The following SLC5A8 variants were observed in gnomAD, a reference collection of about 807,000 sequenced individuals.
SLC5A8 encodes the protein solute carrier family 5 member 8.
SLC5A8 carries 55 observed loss-of-function variants against 71.9 expected under a neutral mutation model. The observed-to-expected ratio is 0.77, with a 90% confidence interval of 0.62 to 0.96. SLC5A8 has a LOEUF of 0.96. Ranked by LOEUF, SLC5A8 falls within the 40% of genes least tolerant of loss-of-function variation. The pLI is 0.00. For synonymous variants in SLC5A8, 307 were observed against 276.1 expected (o/e 1.11, Z -1.11); for missense variants, 701 against 745.3 (o/e 0.94, Z 0.69).
At chr12:101,182,998 A>C in intron 8 of SLC5A8, 83 bp from the exon 9 acceptor site, 1 of 469,472 alleles carries the variant, frequency 2.1e-6, no homozygotes, top group Non-Finnish European at 3.5e-6. Context: ...GGGGAAACAA[A>C]TTGTCACTTC....
intron 3 of SLC5A8, among the ~76,000 whole-genome samples, chr12:101,196,584 A>G (rs1869188034): frequency 6.6e-6 from 1 of 152,194 alleles, no homozygotes; most frequent in East Asian, 1.9e-4. Flanking sequence ...TCAATTGCAA[A>G]ATGAAATAAA....
At chr12:101,160,637 C>T (rs1185791792) in intron 13 of SLC5A8, among the ~76,000 whole-genome samples, 1 of 152,152 alleles carries the variant, frequency 6.6e-6, no homozygotes, top group Admixed American at 6.5e-5. Context: ...CTACCCCGGC[C>T]CCAGCACTGT....
In SLC5A8 at chr12:101,209,853, G is replaced by T. The variant is rs1315371241; in HGVS notation, c.-5C>A. ...GATGCCCCGTGGCGTGTCCATGGCC[G>T]CACGGTCGCCTGAGCCCTGCGCGCA... On this transcript the variant is annotated 5_prime_UTR_variant, in exon 1 of 15. Transcript: ENST00000536262. The T allele has an allele frequency of 1.3e-6, 2 of 1,529,624 alleles. No homozygotes were observed. Among genetic ancestry groups the T allele is most frequent in the Non-Finnish European group, 1.8e-6 (2 of 1,137,674 alleles). The allele number at this position is 1,529,624 out of a possible 1,614,324, so 94.8% of individuals were successfully genotyped here.
At chr12:101,190,367 G>T in intron 6 of SLC5A8, 101 bp downstream of exon 6, 4 of 1,271,236 alleles carry the variant, frequency 3.1e-6, no homozygotes, top group South Asian at 3.0e-5. Flanking sequence ...GGAATTTCAT[G>T]ACACAAAAGA....
intron 13 of SLC5A8, among the ~76,000 whole-genome samples, chr12:101,158,598 C>CTCTCTCTATATATATA (rs1411795424): frequency 1.9e-4 from 4 of 21,232 alleles, no homozygotes; most frequent in Admixed American, 6.8e-4. Flanking sequence ...CTCTCTCTCT[C>CTCTCTCTATATATATA]TATATATATA....
At chr12:101,205,077 A>G (rs1869622028) in intron 1 of SLC5A8, among the ~76,000 whole-genome samples, 1 of 152,188 alleles carries the variant, frequency 6.6e-6, no homozygotes, top group African/African-American at 2.4e-5. Context: ...TAGTCAGCCA[A>G]TTGCCCTGCC....
intron 5 of SLC5A8, among the ~76,000 whole-genome samples, chr12:101,190,951 A>G (rs1444521618): frequency 2.0e-5 from 3 of 152,202 alleles, no homozygotes; most frequent in Non-Finnish European, 1.5e-5. Flanking sequence ...TGAAACATAG[A>G]GAAAGAGAAA....
chr12:101,200,212 A>G (rs1386759309), intron 3 of SLC5A8, among the ~76,000 whole-genome samples: 6 of 151,886 alleles, frequency 4.0e-5, no homozygotes, highest in African/African-American at 1.2e-4. Context: ...TCAGAAAATG[A>G]TTTCTTGGGC....
At position 101,170,690 on chromosome 12, in the gene SLC5A8, A is replaced by G. The variant is rs570276329; in HGVS notation, c.1234-2508T>C. ...CTCCATTCCATCCGAACACCACAGA[A>G]TAATCTGTTCACCCCACCCACACCC... On this transcript the variant is annotated intron_variant, in intron 10 of 14. Transcript: ENST00000536262. Among the ~76,000 whole-genome samples, 9 of 152,260 alleles carry G rather than the reference A, an allele frequency of 5.9e-5. No individual in the cohort carries two copies. In the East Asian group the frequency reaches 1.7e-3, roughly 29 times the overall value.
chr12:101,191,271 T>C (rs772007547), intron 5 of SLC5A8, among the ~76,000 whole-genome samples: 6 of 152,248 alleles, frequency 3.9e-5, no homozygotes, highest in Non-Finnish European at 7.3e-5. Flanking sequence ...ACTTCCATGT[T>C]TGAAAGATCT....
At chr12:101,203,148 A>G (rs748584002) in intron 2 of SLC5A8, among the ~76,000 whole-genome samples, 3 of 152,248 alleles carry the variant, frequency 2.0e-5, no homozygotes, top group Non-Finnish European at 2.9e-5. Context: ...CAAAGATCCA[A>G]TGAGGTTCTG....
chr12:101,172,143 A>G (rs904674191), intron 10 of SLC5A8, among the ~76,000 whole-genome samples: 9 of 152,150 alleles, frequency 5.9e-5, no homozygotes, highest in Admixed American at 3.3e-4. Flanking sequence ...TCCATTCCAG[A>G]TGGCTGTCAG....
chr12:101,168,655 A>C (rs2051796553), intron 10 of SLC5A8, among the ~76,000 whole-genome samples: 1 of 152,240 alleles, frequency 6.6e-6, no homozygotes, highest in South Asian at 2.1e-4. Flanking sequence ...AACTAGAATG[A>C]GAAATACGAT....
At chr12:101,167,572 G>T (rs944656683) in intron 11 of SLC5A8, among the ~76,000 whole-genome samples, 1 of 152,218 alleles carries the variant, frequency 6.6e-6, no homozygotes, top group African/African-American at 2.4e-5. Flanking sequence ...TAGAAGGACA[G>T]AGATATTACG....
intron 3 of SLC5A8, among the ~76,000 whole-genome samples, chr12:101,195,717 T>C: frequency 9.2e-6 from 1 of 108,202 alleles, no homozygotes; most frequent in Admixed American, 9.1e-5. Context: ...TTTTTTTTTT[T>C]GGCGAAGTCT....
At position 101,195,200 on chromosome 12, in the gene SLC5A8, T is replaced by C. The variant is rs1368464664; in HGVS notation, c.470-38A>G. The C allele has an allele frequency of 3.1e-6, 5 of 1,592,166 alleles. No homozygotes were observed. The Admixed American group carries it at 6.7e-5, about 21-fold the overall frequency. ...ATAGAATGCATATATAATTGTGAAA[T>C]ATGCACAATAAAAATAATCCTCAAA... On this transcript the variant is annotated intron_variant, in intron 3 of 14. Transcript: ENST00000536262.
chr12:101,191,450 G>A (rs1868905758), intron 5 of SLC5A8, among the ~76,000 whole-genome samples: 2 of 152,124 alleles, frequency 1.3e-5, no homozygotes, highest in Non-Finnish European at 2.9e-5. Flanking sequence ...CTAATTGTAT[G>A]TGTATTCTGG....
At chr12:101,189,012 G>T (rs887525375) in intron 6 of SLC5A8, among the ~76,000 whole-genome samples, 1 of 152,166 alleles carries the variant, frequency 6.6e-6, no homozygotes, top group Non-Finnish European at 1.5e-5. Flanking sequence ...TGAGAAGGCA[G>T]ACGAAAATGA....
In SLC5A8 at chr12:101,168,157, A is replaced by C. The variant is rs1045801868; in HGVS notation, c.1259T>G (p.Val420Gly). 4 of 1,609,514 alleles carry C rather than the reference A, an allele frequency of 2.5e-6. No homozygotes were observed. In the Middle Eastern group the frequency reaches 5.0e-4, roughly 199 times the overall value. ...LQAALSVFGMVGGPLMGLFAL... is the reference protein window; with the variant it reads ...LQAALSVFGMGGGPLMGLFAL... ...GAACAGGCCCATAAGTGGTCCACCA[A>C]CCATACCAAATACGCTGAGTGCTGC... is the stretch of plus-strand genomic sequence containing the variant. Residue 420 changes from valine to glycine, a missense_variant, in exon 11 of 15, where the codon GTT becomes GGT. Val to Gly is a moderately radical substitution (Grantham distance 109). Coordinates refer to ENST00000536262, the MANE Select transcript of SLC5A8 (RefSeq NM_145913.5).
Sources: allele counts gnomAD v4.1 joint callset (sites outside exome capture counted in the v4.1 genomes callset), GRCh38; gene constraint gnomAD v4.1.1; transcripts MANE v1.5; gene names NCBI Gene and HGNC (gene_info 2026-07-23, HGNC 2026-07-21).